The following ARHGAP26 variants were observed in gnomAD, a reference collection of about 807,000 sequenced individuals.
The protein encoded by ARHGAP26 is rho GTPase-activating protein 26.
A neutral mutation model predicts 104.8 loss-of-function variants in ARHGAP26; 38 were observed. The observed-to-expected ratio is 0.36, with a 90% CI of 0.28 to 0.48. The LOEUF is 0.48. ARHGAP26 is among the 20% of genes least tolerant of loss of function. ARHGAP26 has a pLI of 0.99. For synonymous variants in ARHGAP26, 341 were observed against 340.0 expected (o/e 1.00, Z -0.03); for missense variants, 704 against 947.9 (o/e 0.74, Z 3.38).
At chr5:143,131,047 T>C (rs1797290609) in intron 18 of ARHGAP26, among the ~76,000 whole-genome samples, 1 of 152,244 alleles carries the variant, frequency 6.6e-6, no homozygotes. Context: ...CTTGGGACTA[T>C]GGCTCTTGCC....
chr5:142,854,196 C>CT (rs1751982889), intron 1 of ARHGAP26, among the ~76,000 whole-genome samples: 1 of 152,232 alleles, frequency 6.6e-6, no homozygotes, highest in Non-Finnish European at 1.5e-5. Context: ...TGGGAGAATT[C>CT]TTAATGCCTG....
intron 1 of ARHGAP26, among the ~76,000 whole-genome samples, chr5:142,838,943 T>C (rs368843861): frequency 6.6e-6 from 1 of 152,192 alleles, no homozygotes; most frequent in Non-Finnish European, 1.5e-5. Flanking sequence ...TCATGACTTA[T>C]TTGGTCTAGA....
intron 1 of ARHGAP26, among the ~76,000 whole-genome samples, chr5:142,830,099 T>C (rs747559456): frequency 4.1e-4 from 63 of 152,208 alleles, no homozygotes; most frequent in Non-Finnish European, 6.5e-4. Context: ...CCCTAGAATG[T>C]TGGCCAAGCC....
intron 1 of ARHGAP26, among the ~76,000 whole-genome samples, chr5:142,848,557 A>G (rs1750905466): frequency 1.3e-5 from 2 of 152,100 alleles, no homozygotes; most frequent in Admixed American, 6.6e-5. Context: ...TTTGTCTAAC[A>G]TATGTGTTAG....
chr5:143,160,361 G>T (rs765027206), intron 20 of ARHGAP26, among the ~76,000 whole-genome samples: 1 of 151,842 alleles, frequency 6.6e-6, no homozygotes, highest in Admixed American at 6.6e-5. Flanking sequence ...GCCTGGCCAA[G>T]ATTTTTCTTT....
At chr5:142,843,276 G>A (rs1220767246) in intron 1 of ARHGAP26, among the ~76,000 whole-genome samples, 1 of 152,184 alleles carries the variant, frequency 6.6e-6, no homozygotes, top group Non-Finnish European at 1.5e-5. Context: ...ATGCAGCTGA[G>A]GCAAAGAGTG....
chr5:143,199,941 G>T (rs1807446224), intron 20 of ARHGAP26, among the ~76,000 whole-genome samples: 1 of 152,114 alleles, frequency 6.6e-6, no homozygotes, highest in Non-Finnish European at 1.5e-5. Context: ...TCAACTAGGG[G>T]GTCTCACATC....
intron 20 of ARHGAP26, among the ~76,000 whole-genome samples, chr5:143,163,853 C>T (rs1801582202): frequency 1.3e-5 from 2 of 152,110 alleles, no homozygotes; most frequent in Non-Finnish European, 2.9e-5. Flanking sequence ...GTTTTTTTCC[C>T]ACTGAGACCT....
At chr5:143,003,806 T>G (rs1412748864) in intron 11 of ARHGAP26, among the ~76,000 whole-genome samples, 1 of 152,244 alleles carries the variant, frequency 6.6e-6, no homozygotes, top group Non-Finnish European at 1.5e-5. Context: ...TACTTTGCAA[T>G]GAGAAAGCAG....
chr5:142,791,002 TTCTAGAAGCAAC>T (rs1759684879), intron 1 of ARHGAP26, among the ~76,000 whole-genome samples: 1 of 152,222 alleles, frequency 6.6e-6, no homozygotes, highest in Non-Finnish European at 1.5e-5. Context: ...CTTGACTTTT[TTCTAGAAGCAAC>T]TCTAAGTGTT....
In ARHGAP26 at chr5:143,224,311, A is replaced by G. The variant is rs1358946576; in HGVS notation, c.*1865A>G. The G allele has an allele frequency of 4.3e-6, 1 of 231,818 alleles. No homozygotes were observed. The highest frequency in any genetic ancestry group is 2.2e-5 in the African/African-American group (1 of 45,214). 14.4% of individuals were successfully genotyped at this position (231,818 alleles called of 1,614,324 possible). On this transcript the variant is annotated 3_prime_UTR_variant, in exon 23 of 23. Transcript: ENST00000645722. ...CCCGCTTCGGCCTGAAGGAAAGAGA[A>G]GACATTTCTATGGCCTTGCTCTCTG...
chr5:143,220,176 G>GT (rs1377382121), intron 22 of ARHGAP26, among the ~76,000 whole-genome samples: 6 of 152,188 alleles, frequency 3.9e-5, no homozygotes, highest in South Asian at 2.1e-4. Context: ...CCTGGTTTTT[G>GT]TTTTTTTGTT....
intron 14 of ARHGAP26, among the ~76,000 whole-genome samples, chr5:143,053,105 A>G (rs1785272834): frequency 6.6e-6 from 1 of 152,172 alleles, no homozygotes; most frequent in South Asian, 2.1e-4. Context: ...TCGGACTTTC[A>G]GGCTCTGTGT....
At chr5:142,876,913 T>G (rs1277985121) in intron 3 of ARHGAP26, among the ~76,000 whole-genome samples, 2 of 145,882 alleles carry the variant, frequency 1.4e-5, no homozygotes, top group Non-Finnish European at 3.0e-5. Context: ...ATCAGAAGGG[T>G]GGTGGTGGCA....
At chr5:142,932,658 G>C (rs1280017518) in intron 11 of ARHGAP26, among the ~76,000 whole-genome samples, 1 of 152,188 alleles carries the variant, frequency 6.6e-6, no homozygotes, top group African/African-American at 2.4e-5. Context: ...GAAATTGTAA[G>C]AGTACAGTCT....
chr5:143,087,461 C>T (rs572592055), intron 17 of ARHGAP26, among the ~76,000 whole-genome samples: 1 of 152,106 alleles, frequency 6.6e-6, no homozygotes, highest in Admixed American at 6.5e-5. Flanking sequence ...TTACTCATGG[C>T]CAAATTTAGT....
chr5:142,896,898 C>T (rs148135077), intron 6 of ARHGAP26, among the ~76,000 whole-genome samples: 56 of 152,278 alleles, frequency 3.7e-4, no homozygotes, highest in Non-Finnish European at 5.0e-4. Context: ...ATGTGAGGTG[C>T]TTAGAACAGA....
At chr5:142,847,705 C>T (rs1217025341) in intron 1 of ARHGAP26, among the ~76,000 whole-genome samples, 1 of 152,166 alleles carries the variant, frequency 6.6e-6, no homozygotes, top group African/African-American at 2.4e-5. Flanking sequence ...TAGAGTGCCA[C>T]GAAGAGGCTC....
At chr5:142,870,945 C>G (rs1248780655) in intron 1 of ARHGAP26, among the ~76,000 whole-genome samples, 2 of 152,212 alleles carry the variant, frequency 1.3e-5, no homozygotes, top group African/African-American at 4.8e-5. Flanking sequence ...GGATTCCAAA[C>G]AAGTAAAAGG....
Sources: gnomAD v4.1 joint callset for allele counts (sites outside exome capture counted in the v4.1 genomes callset) on GRCh38, gnomAD v4.1.1 for gene constraint, MANE v1.5 for transcripts, NCBI Gene and HGNC (gene_info 2026-07-23, HGNC 2026-07-21) for gene names.